Variants in SLC17A7 observed in about 807,000 individuals in gnomAD.
The protein encoded by SLC17A7 is vesicular glutamate transporter 1.
A neutral mutation model predicts 59.1 loss-of-function variants in SLC17A7; 15 were observed. The ratio of observed to expected loss-of-function variants is 0.25; its 90% CI spans 0.17 to 0.39. The LOEUF is 0.39. SLC17A7 is among the 10% of genes least tolerant of loss of function. The pLI, the probability that SLC17A7 is intolerant of heterozygous loss-of-function variation, is 1.00. For synonymous variants in SLC17A7, 353 were observed against 308.9 expected (o/e 1.14, Z -1.50); for missense variants, 499 against 765.1 (o/e 0.65, Z 4.10).
At position 49,441,514 on chromosome 19, in the gene SLC17A7, A is replaced by C; in HGVS notation, c.-135T>G. 1 of 1,049,036 alleles carries C rather than the reference A, an allele frequency of 9.5e-7. No homozygotes were observed. The highest frequency in any genetic ancestry group is 1.1e-6 in the Non-Finnish European group (1 of 873,450). The allele number at this position is 1,049,036 out of a possible 1,614,324, so 65.0% of individuals were successfully genotyped here. ...GGCCCCGCAGCTCCGCTCGGGGGGA[A>C]GGAGGCTGCAAGTGCAGGCGGCCCG... On this transcript the variant is annotated 5_prime_UTR_variant, in exon 1 of 12. Coordinates refer to ENST00000221485, the MANE Select transcript of SLC17A7 (RefSeq NM_020309.4).
chr19:49,429,500 C>T lies in SLC17A7; in HGVS notation c.*1019G>A, dbSNP rs1180925463. On this transcript the variant is annotated 3_prime_UTR_variant, in exon 12 of 12. Transcript: ENST00000221485. The stretch of plus-strand genomic sequence containing the variant: ...ACAACCCTGCACTGGGAAAAAACAC[C>T]CCTGGCTCCTGCCCCATTCCCTTTC... 1 of 398,846 alleles carries T rather than the reference C, an allele frequency of 2.5e-6. No individual in the cohort carries two copies. The highest frequency in any genetic ancestry group is 4.4e-6 in the Non-Finnish European group (1 of 226,088). 24.7% of individuals were successfully genotyped at this position (398,846 alleles called of 1,614,324 possible).
In SLC17A7 at chr19:49,441,306, C is replaced by A. The variant is rs747037301; in HGVS notation, c.62+12G>T. ...CCTCCCACTCTTCTCCCGGGACCCC[C>A]GCCAGGCTCACCGGTGCAGCTTCCC... On this transcript the variant is annotated intron_variant, in intron 1 of 11. Transcript: ENST00000221485. The A allele has an allele frequency of 3.1e-6, 5 of 1,608,994 alleles. No individual in the cohort carries two copies. The Admixed American group carries it at 8.4e-5, about 27-fold the overall frequency.
intron 2 of SLC17A7, chr19:49,435,505 G>A: frequency 2.1e-6 from 1 of 482,550 alleles, no homozygotes; most frequent in Non-Finnish European, 3.7e-6. Context: ...TAACAACAGA[G>A]TCCATCACCA....
chr19:49,440,661 C>T (rs751670832), intron 1 of SLC17A7, among the ~76,000 whole-genome samples: 15 of 152,202 alleles, frequency 9.9e-5, no homozygotes, highest in Non-Finnish European at 1.5e-4. Flanking sequence ...AGCCCCAATC[C>T]GCTTTAGCTG....
rs1366463215 is a variant in SLC17A7 at position 49,433,168 on chromosome 19, T to G, written c.868-208A>C. 6.7e-6 allele frequency: 4 copies of G among 601,326 alleles called. No individual in the cohort carries two copies. Among genetic ancestry groups the G allele is most frequent in the Non-Finnish European group, 8.8e-6 (3 of 341,826 alleles). 37.2% of individuals were successfully genotyped at this position (601,326 alleles called of 1,614,324 possible). A position where few individuals can be genotyped will look rare whatever the true frequency, so the allele number is the denominator to read the frequency against. ...AGGTGACACTTGAGTGATGAAGGGG[T>G]CCTGGCCCTATGGTAGCCTCTCAGG... On this transcript the variant is annotated intron_variant, in intron 7 of 11. Transcript: ENST00000221485. This position sits in a 1 kb window ranked among gnomAD's most constrained non-coding sequence, Gnocchi z 5.7.
chr19:49,432,392 T>G, intron 9 of SLC17A7, 127 bp downstream of exon 9: 2 of 1,304,002 alleles, frequency 1.5e-6, no homozygotes, highest in South Asian at 1.5e-5. Context: ...CCACGGCCCT[T>G]TGCATAGAAA....
chr19:49,435,088 C>A (rs999276072), intron 3 of SLC17A7, 80 bp downstream of exon 3: 4 of 1,176,096 alleles, frequency 3.4e-6, no homozygotes, highest in South Asian at 1.3e-5. Flanking sequence ...CCAGAGCCAG[C>A]CCGCAAATTC....
At chr19:49,432,746 G>C in intron 8 of SLC17A7, 65 bp downstream of exon 8, 2 of 1,598,140 alleles carry the variant, frequency 1.3e-6, no homozygotes, top group Non-Finnish European at 1.7e-6. Flanking sequence ...CCTGCCTCGG[G>C]ATCGCCGCCA....
At position 49,433,932 on chromosome 19, in the gene SLC17A7, C is replaced by T. The variant is rs369525295; in HGVS notation, c.724+28G>A. On this transcript the variant is annotated intron_variant, in intron 6 of 11. Transcript: ENST00000221485. The surrounding 1 kb of genome is among the most constrained non-coding windows in gnomAD (Gnocchi z 5.7). ...CCGGCCCCGCTCCGCCCCAGCGCCA[C>T]CCGGAACCAGGCATCCGGGTCCCTC... 6.2e-7 allele frequency: 1 copy of T among 1,613,342 alleles called. No homozygotes were observed. Among genetic ancestry groups the T allele is most frequent in the African/African-American group, 1.3e-5 (1 of 74,880 alleles).
chr19:49,440,839 C>T (rs558566070), intron 1 of SLC17A7, among the ~76,000 whole-genome samples: 2 of 151,428 alleles, frequency 1.3e-5, no homozygotes, highest in African/African-American at 4.9e-5. Context: ...GACTCTGAGT[C>T]AGGAGTTGAT....
At chr19:49,437,102 C>G (rs1197641445) in intron 1 of SLC17A7, 2 of 489,182 alleles carry the variant, frequency 4.1e-6, no homozygotes, top group Non-Finnish European at 7.4e-6. Context: ...CCAGACAACC[C>G]TTTGGGATTC....
chr19:49,430,645 A>G lies in SLC17A7; in HGVS notation c.1557T>C (p.Ser519=), dbSNP rs1036803259. ...GFVGHDQLAG[S]DDSEMEDEAE... ...CCTCATCCTCCATTTCGCTGTCGTC[A>G]CTGCCAGCCAGCTGGTCATGGCCAA... The change falls in exon 12 of 12, where the codon AGT becomes AGC. Residue 519 remains serine, a synonymous_variant. Coordinates refer to ENST00000221485, the MANE Select transcript of SLC17A7 (RefSeq NM_020309.4). 5 of 1,613,958 alleles carry G rather than the reference A, an allele frequency of 3.1e-6. No individual in the cohort carries two copies. In the African/African-American group the frequency reaches 5.3e-5, roughly 17 times the overall value.
rs747294201 is a variant in SLC17A7 at position 49,434,923 on chromosome 19, C to T, written c.435-41G>A. On this transcript the variant is annotated intron_variant, in intron 3 of 11. Transcript: ENST00000221485. ...AGAGAAAAGAATCCAAGCTATCCAG[C>T]CATGCCCGGGATTCTGCCTTTCCCG... is the stretch of plus-strand genomic sequence containing the variant. 7.0e-6 allele frequency: 11 copies of T among 1,581,584 alleles called. No individual in the cohort carries two copies. The East Asian group carries it at 2.5e-4, about 36-fold the overall frequency.
In SLC17A7 at chr19:49,431,485, C is replaced by A. The variant is rs758328853; in HGVS notation, c.1151-37G>T. ...GGGGGGGCCCGCGTCTCCTGAGTGT[C>A]GGCCGGAGCAAGGCGCAGGCTGCCC... On this transcript the variant is annotated intron_variant, in intron 9 of 11. Transcript: ENST00000221485. The surrounding 1 kb of genome is among the most constrained non-coding windows in gnomAD (Gnocchi z 4.6). 3.8e-6 allele frequency: 6 copies of A among 1,573,858 alleles called. No homozygotes were observed. In the African/African-American group the frequency reaches 6.8e-5, roughly 18 times the overall value.
chr19:49,439,905 C>T (rs565225231), intron 1 of SLC17A7, among the ~76,000 whole-genome samples: 2 of 147,670 alleles, frequency 1.4e-5, no homozygotes, highest in East Asian at 3.9e-4. Flanking sequence ...GCTGCCACCC[C>T]CCAGCCCCCT....
Position 49,430,037 on chromosome 19 carries a change from G to C in SLC17A7, c.*482C>G, listed in dbSNP as rs947727122. On this transcript the variant is annotated 3_prime_UTR_variant, in exon 12 of 12. Transcript: ENST00000221485. ...CTGGAATGGCGGGGACGAGTAATTGGTTAAACCAATCTGGAAGATGCAGAA... is the reference window on the plus strand; with the variant it reads ...CTGGAATGGCGGGGACGAGTAATTGCTTAAACCAATCTGGAAGATGCAGAA... 1 of 161,814 alleles carries C rather than the reference G, an allele frequency of 6.2e-6. No homozygotes were observed. The highest frequency in any genetic ancestry group is 2.4e-5 in the African/African-American group (1 of 41,864). 10.0% of individuals were successfully genotyped at this position (161,814 alleles called of 1,614,324 possible). A position where few individuals can be genotyped will look rare whatever the true frequency, so the allele number is the denominator to read the frequency against.
intron 5 of SLC17A7, 52 bp downstream of exon 5, chr19:49,434,550 C>T (rs2078973338): frequency 6.6e-7 from 1 of 1,519,572 alleles, no homozygotes; most frequent in Non-Finnish European, 8.9e-7. Context: ...ACAGTCCAGG[C>T]CCCAACCCCT....
chr19:49,433,962 T>C lies in SLC17A7; in HGVS notation c.722A>G (p.Tyr241Cys). The C allele has an allele frequency of 6.2e-7, 1 of 1,613,542 alleles. No homozygotes were observed. Among genetic ancestry groups the C allele is most frequent in the Non-Finnish European group, 8.5e-7 (1 of 1,179,922 alleles). ...YSGWSSVFYV[Y>C]GSFGIFWYLF... ...AACCAGGCATCCGGGTCCCTCACCGTAGACGTAGAAAACAGAGCTCCATCC... is the reference window on the plus strand; with the variant it reads ...AACCAGGCATCCGGGTCCCTCACCGCAGACGTAGAAAACAGAGCTCCATCC... Residue 241 changes from tyrosine to cysteine, a missense_variant and splice_region_variant, in exon 6 of 12, where the codon TAC (tyrosine) becomes TGC (cysteine). Transcript: ENST00000221485. The surrounding 1 kb of genome is among the most constrained non-coding windows in gnomAD (Gnocchi z 5.7).
chr19:49,441,170 C>A, intron 1 of SLC17A7, 148 bp downstream of exon 1: 1 of 1,475,174 alleles, frequency 6.8e-7, no homozygotes, highest in Non-Finnish European at 9.1e-7. Context: ...GAGAACAGCG[C>A]CGTCGGAGCC....
Sources: allele counts gnomAD v4.1 joint callset (sites outside exome capture counted in the v4.1 genomes callset), GRCh38; gene constraint gnomAD v4.1.1; non-coding constraint Gnocchi (gnomAD v3.1); transcripts MANE v1.5; gene names NCBI Gene and HGNC (gene_info 2026-07-23, HGNC 2026-07-21).